Variants in CHD1 observed in about 807,000 individuals in gnomAD.
CHD1 encodes chromodomain helicase DNA binding protein 1, also known as ATP-dependent chromatin remodeler CHD1.
A neutral mutation model predicts 224.2 loss-of-function variants in CHD1; 36 were observed. The observed-to-expected ratio is 0.16, with a 90% CI of 0.12 to 0.21. The LOEUF (loss-of-function observed/expected upper bound fraction) is 0.21, where lower values mean the gene tolerates loss of function less well. Ranked by LOEUF, CHD1 falls within the 10% of genes least tolerant of loss-of-function variation. The pLI is 1.00. For missense variants in CHD1, 1,378 were observed against 1,994.8 expected, an observed-to-expected ratio of 0.69 and a Z score of 5.89; for synonymous variants, 668 against 658.3, an observed-to-expected ratio of 1.01 and a Z score of -0.23.
chr5:98,889,058 A>G lies in CHD1; in HGVS notation c.2343+18T>C, dbSNP rs758683718. On this transcript the variant is annotated intron_variant, in intron 16 of 35. Coordinates refer to ENST00000614616, the MANE Select transcript of CHD1 (RefSeq NM_001270.4). ...TCTAGAACTTTATCACAAAGAAACA[A>G]CATTTAAAAATTCTTACTTGTAAGG... The G allele has an allele frequency of 9.9e-6, 15 of 1,511,466 alleles. No individual in the cohort carries two copies. The Admixed American group carries it at 1.8e-4, about 19-fold the overall frequency. 93.6% of individuals were successfully genotyped at this position (1,511,466 alleles called of 1,614,324 possible).
At chr5:98,896,555 T>C (rs1751353993) in intron 11 of CHD1, 113 bp from the exon 12 acceptor site, 4 of 670,188 alleles carry the variant, frequency 6.0e-6, no homozygotes, top group South Asian at 2.0e-5. Flanking sequence ...ATAGGTATTA[T>C]ATAGAATATA....
chr5:98,906,427 A>C (rs1042525043), intron 2 of CHD1, among the ~76,000 whole-genome samples: 1 of 152,198 alleles, frequency 6.6e-6, no homozygotes, highest in African/African-American at 2.4e-5. Context: ...CAAGGATATT[A>C]AAAGATTTTT....
intron 33 of CHD1, 129 bp downstream of exon 33, chr5:98,859,840 TGTG>T (rs1428423733): frequency 7.8e-6 from 4 of 513,008 alleles, no homozygotes; most frequent in Non-Finnish European, 1.1e-5. Context: ...CAATCATTAC[TGTG>T]GTGTTCAATG....
intron 16 of CHD1, among the ~76,000 whole-genome samples, chr5:98,888,622 AGATGCT>A (rs1291749251): frequency 5.3e-5 from 8 of 152,220 alleles, no homozygotes; most frequent in Non-Finnish European, 2.9e-5. Context: ...TATTAATTCT[AGATGCT>A]GATCCTAGCC....
rs1749281121 is a variant in CHD1 at position 98,870,872 on chromosome 5, G to A, written c.3862-69C>T. The A allele has an allele frequency of 1.2e-5, 11 of 889,192 alleles. No homozygotes were observed. The South Asian group carries it at 1.7e-4, about 14-fold the overall frequency. 55.1% of individuals were successfully genotyped at this position (889,192 alleles called of 1,614,324 possible). A position where few individuals can be genotyped will look rare whatever the true frequency, so the allele number is the denominator to read the frequency against. ...ATGAGAAATGTACTGGCTAAAAAAT[G>A]CTTAACCATTTAAATATATATATAG... On this transcript the variant is annotated intron_variant, in intron 28 of 35. Transcript: ENST00000614616.
intron 2 of CHD1, among the ~76,000 whole-genome samples, chr5:98,908,630 T>C (rs764511451): frequency 9.2e-5 from 14 of 152,174 alleles, no homozygotes; most frequent in Non-Finnish European, 1.9e-4. Flanking sequence ...CTCCAATTAA[T>C]ATTTTATTTT....
At chr5:98,915,390 A>G (rs980917159) in intron 2 of CHD1, among the ~76,000 whole-genome samples, 2 of 151,944 alleles carry the variant, frequency 1.3e-5, no homozygotes, top group African/African-American at 4.9e-5. Context: ...AAAACTGTTA[A>G]AAGTGGAGAG....
At chr5:98,879,528 A>C in intron 23 of CHD1, 24 bp downstream of exon 23, 2 of 1,573,602 alleles carry the variant, frequency 1.3e-6, no homozygotes, top group Non-Finnish European at 1.7e-6. Flanking sequence ...CTTTATAGAA[A>C]TATCTTTAAA....
chr5:98,909,657 C>T (rs1752264913), intron 2 of CHD1, among the ~76,000 whole-genome samples: 1 of 152,164 alleles, frequency 6.6e-6, no homozygotes, highest in Non-Finnish European at 1.5e-5. Flanking sequence ...TATTTGTTAA[C>T]TCTGAGGTAT....
rs1478363027 is a variant in CHD1, at chr5:98,868,482, G to T, written c.4248+13C>A. 6.2e-7 allele frequency: 1 copy of T among 1,600,858 alleles called. No homozygotes were observed. The highest frequency in any genetic ancestry group is 8.5e-7 in the Non-Finnish European group (1 of 1,176,834). ...ATGAGTTAATACTAATAATCAGAAAGTCTAAGGCTTACAATGCTGAATGTC... is the reference window on the plus strand; with the variant it reads ...ATGAGTTAATACTAATAATCAGAAATTCTAAGGCTTACAATGCTGAATGTC... On this transcript the variant is annotated intron_variant, in intron 31 of 35. Coordinates refer to ENST00000614616, the MANE Select transcript of CHD1 (RefSeq NM_001270.4).
intron 2 of CHD1, among the ~76,000 whole-genome samples, chr5:98,920,821 C>T (rs1203121202): frequency 6.7e-6 from 1 of 149,758 alleles, no homozygotes; most frequent in Non-Finnish European, 1.5e-5. Context: ...AAAGACAAAT[C>T]TAGATTTCAA....
At chr5:98,857,258 C>T (rs560281604) in intron 35 of CHD1, among the ~76,000 whole-genome samples, 1 of 152,196 alleles carries the variant, frequency 6.6e-6, no homozygotes, top group South Asian at 2.1e-4. Context: ...TCCATACAAA[C>T]ATGTGACAGC....
chr5:98,876,277 C>A, intron 24 of CHD1, 121 bp downstream of exon 24: 1 of 990,570 alleles, frequency 1.0e-6, no homozygotes, highest in African/African-American at 1.6e-5. Context: ...AATTCCTACT[C>A]AAATAACAGA....
chr5:98,889,834 G>GTA (rs1750895468), intron 15 of CHD1: 1 of 151,970 alleles, frequency 6.6e-6, no homozygotes, highest in Admixed American at 6.6e-5. Context: ...CCATATTTTT[G>GTA]TATATATATC....
Position 98,922,153 on chromosome 5 carries a change from T to TA in CHD1, c.53+4180dup, listed in dbSNP as rs779491934. Among the ~76,000 whole-genome samples the TA allele has an allele frequency of 5.6e-4, 85 of 150,642 alleles. 1 individual carries two copies. The highest frequency in any genetic ancestry group is 1.3e-3 in the African/African-American group (53 of 41,024). The stretch of plus-strand genomic sequence containing the variant: ...GGCAACAGTGAGACTCCATCTCAAT[T>TA]AAAAAAAAACAAACCACACACACAC... On this transcript the variant is annotated intron_variant, in intron 2 of 35. Coordinates refer to ENST00000614616, the MANE Select transcript of CHD1 (RefSeq NM_001270.4).
rs1014902224 is a variant in CHD1 at position 98,905,229 on chromosome 5, A to G, written c.54-131T>C. On this transcript the variant is annotated intron_variant, in intron 2 of 35. Transcript: ENST00000614616. The stretch of plus-strand genomic sequence containing the variant: ...TATTTCAACTATCTTTGGCCAAAAA[A>G]AAGAAAAAGGAATTGATTTAATCTA... 4.8e-6 allele frequency: 5 copies of G among 1,047,928 alleles called. No homozygotes were observed. The African/African-American group carries it at 4.8e-5, about 10-fold the overall frequency. The allele number at this position is 1,047,928 out of a possible 1,614,324, so 64.9% of individuals were successfully genotyped here.
rs1024671209 is a variant in CHD1 at position 98,859,070 on chromosome 5, A to G, written c.4525-55T>C. 11 of 1,339,254 alleles carry G rather than the reference A, an allele frequency of 8.2e-6. No individual in the cohort carries two copies. In the African/African-American group the frequency reaches 1.6e-4, roughly 20 times the overall value. 83.0% of individuals were successfully genotyped at this position (1,339,254 alleles called of 1,614,324 possible). A position where few individuals can be genotyped will look rare whatever the true frequency, so the allele number is the denominator to read the frequency against. On this transcript the variant is annotated intron_variant, in intron 33 of 35. Coordinates refer to ENST00000614616, the MANE Select transcript of CHD1 (RefSeq NM_001270.4). ...TTTAGGTGACTTCACAAACTTACAA[A>G]AAAGCACAGATAATTCTTAGAAAAT...
At chr5:98,861,760 C>T (rs1351190052) in intron 32 of CHD1, among the ~76,000 whole-genome samples, 1 of 151,868 alleles carries the variant, frequency 6.6e-6, no homozygotes, top group Non-Finnish European at 1.5e-5. Flanking sequence ...CCTTGGCCTC[C>T]CAACGTGCTG....
chr5:98,872,932 C>T (rs1749465666), intron 26 of CHD1, among the ~76,000 whole-genome samples: 1 of 152,130 alleles, frequency 6.6e-6, no homozygotes, highest in African/African-American at 2.4e-5. Context: ...AAGCAACCCT[C>T]CCACCTCAAT....
Sources: gnomAD v4.1 joint callset for allele counts (sites outside exome capture counted in the v4.1 genomes callset) on GRCh38, gnomAD v4.1.1 for gene constraint, MANE v1.5 for transcripts, NCBI Gene and HGNC (gene_info 2026-07-23, HGNC 2026-07-21) for gene names.